Variants in MARCHF1 observed in about 807,000 individuals in gnomAD.
The protein encoded by MARCHF1 is membrane associated ring-CH-type finger 1.
Under a neutral mutation model 54.2 loss-of-function variants are expected in MARCHF1, and 40 were observed. The ratio of observed to expected loss-of-function variants is 0.74; its 90% CI spans 0.57 to 0.96. The LOEUF (loss-of-function observed/expected upper bound fraction) is 0.96. Among genes scored for constraint, MARCHF1 ranks in the 40% least tolerant of loss-of-function variants. MARCHF1 has a pLI of 0.00. For missense variants in MARCHF1, 586 were observed against 656.5 expected, an observed-to-expected ratio of 0.89 and a Z score of 1.17; for synonymous variants, 236 against 236.3, an observed-to-expected ratio of 1.00 and a Z score of 0.01.
At chr4:164,314,915 A>G (rs772812405) in intron 1 of MARCHF1, among the ~76,000 whole-genome samples, 45 of 152,200 alleles carry the variant, frequency 3.0e-4, no homozygotes, top group Non-Finnish European at 5.4e-4. Context: ...CAGAAAATGT[A>G]TATCATTTGA....
intron 1 of MARCHF1, among the ~76,000 whole-genome samples, chr4:164,297,400 G>T (rs1039894858): frequency 6.6e-6 from 1 of 152,084 alleles, no homozygotes; most frequent in African/African-American, 2.4e-5. Flanking sequence ...CTGATGTGAG[G>T]CTATGAGAAG....
intron 1 of MARCHF1, among the ~76,000 whole-genome samples, chr4:164,142,205 A>T (rs772802406): frequency 2.6e-5 from 4 of 152,204 alleles, no homozygotes; most frequent in Admixed American, 2.6e-4. Context: ...CTAGCACAGC[A>T]GTCTGAGATC....
chr4:164,130,498 A>C (rs1180025139), intron 1 of MARCHF1, among the ~76,000 whole-genome samples: 1 of 152,154 alleles, frequency 6.6e-6, no homozygotes, highest in Non-Finnish European at 1.5e-5. Flanking sequence ...TTAAAGCTGC[A>C]ATATCATTAT....
At chr4:163,843,661 CT>C (rs1332739800) in intron 4 of MARCHF1, among the ~76,000 whole-genome samples, 1 of 152,038 alleles carries the variant, frequency 6.6e-6, no homozygotes, top group Non-Finnish European at 1.5e-5. Flanking sequence ...GCCCAGCATG[CT>C]TTAGCTCCTT....
At chr4:164,136,735 C>T (rs752942490) in intron 1 of MARCHF1, among the ~76,000 whole-genome samples, 5 of 152,174 alleles carry the variant, frequency 3.3e-5, no homozygotes, top group Non-Finnish European at 7.3e-5. Context: ...CCCATGAACA[C>T]ACCTGGAATG....
chr4:164,284,459 CATATT>C (rs1321918376), intron 1 of MARCHF1, among the ~76,000 whole-genome samples: 1 of 150,766 alleles, frequency 6.6e-6, no homozygotes, highest in East Asian at 2.0e-4. Flanking sequence ...GCCTTTATAA[CATATT>C]ATGGCAATTA....
At chr4:164,279,408 C>T (rs1356467871) in intron 1 of MARCHF1, among the ~76,000 whole-genome samples, 4 of 151,112 alleles carry the variant, frequency 2.6e-5, no homozygotes, top group African/African-American at 7.3e-5. Context: ...AGGAAAGATG[C>T]ATAAATATAT....
intron 1 of MARCHF1, among the ~76,000 whole-genome samples, chr4:164,259,730 G>A (rs1733411224): frequency 6.6e-6 from 1 of 152,074 alleles, no homozygotes; most frequent in African/African-American, 2.4e-5. Context: ...AATTCTATGT[G>A]TCCCTTGAAA....
chr4:163,546,780 G>A (rs1336107746), intron 8 of MARCHF1, among the ~76,000 whole-genome samples: 3 of 152,188 alleles, frequency 2.0e-5, no homozygotes, highest in Non-Finnish European at 4.4e-5. Flanking sequence ...GTCTGGGAGA[G>A]GAAGAAGGCC....
At chr4:164,243,438 T>C (rs969960270) in intron 1 of MARCHF1, among the ~76,000 whole-genome samples, 3 of 151,946 alleles carry the variant, frequency 2.0e-5, no homozygotes, top group African/African-American at 7.3e-5. Context: ...TGAGAGATTT[T>C]GTCACCACCA....
chr4:164,184,482 C>G (rs139923786), intron 1 of MARCHF1, among the ~76,000 whole-genome samples: 1 of 152,230 alleles, frequency 6.6e-6, no homozygotes, highest in East Asian at 1.9e-4. Context: ...ATACACAAAA[C>G]ACAAAAGGAT....
At chr4:163,688,964 T>C (rs1006686052) in intron 5 of MARCHF1, among the ~76,000 whole-genome samples, 2 of 152,168 alleles carry the variant, frequency 1.3e-5, no homozygotes, top group Non-Finnish European at 2.9e-5. Context: ...GTTGTTTTAG[T>C]TTCTGCTTGG....
At position 163,937,848 on chromosome 4, in the gene MARCHF1, T is replaced by C. The variant is rs553590515; in HGVS notation, c.-39+50653A>G. 1.2e-4 allele frequency among the ~76,000 whole-genome samples: 19 copies of C among 152,258 alleles called. 1 individual carries two copies. Among genetic ancestry groups the C allele is most frequent in the African/African-American group, 4.6e-4 (19 of 41,552 alleles). ...ATTGAAACTAGCAGAGTTTAAATTA[T>C]AGGAAATAAAGCAAAAAATTTTTCA... On this transcript the variant is annotated intron_variant, in intron 3 of 9. Transcript: ENST00000514618.
intron 4 of MARCHF1, among the ~76,000 whole-genome samples, chr4:163,750,423 A>C (rs923085276): frequency 6.6e-6 from 1 of 151,566 alleles, no homozygotes; most frequent in African/African-American, 2.4e-5. Context: ...GGGCAGGAGA[A>C]TCGCTTGAAC....
At chr4:164,141,862 G>C (rs7436731) in intron 1 of MARCHF1, among the ~76,000 whole-genome samples, 1 of 152,050 alleles carries the variant, frequency 6.6e-6, no homozygotes, top group Non-Finnish European at 1.5e-5. Flanking sequence ...AGCTCCCAGC[G>C]TGAGCAACGC....
rs548233349 is a variant in MARCHF1 at position 164,098,216 on chromosome 4, A to T, written c.-248+13372T>A. On this transcript the variant is annotated intron_variant, in intron 2 of 9. Transcript: ENST00000514618. ...TAATCATAAGGCCATGACATTAGCTAATGTTTATTCTAGGTTTATTCTAAT... is the reference window on the plus strand; with the variant it reads ...TAATCATAAGGCCATGACATTAGCTTATGTTTATTCTAGGTTTATTCTAAT... 4.6e-5 allele frequency among the ~76,000 whole-genome samples: 7 copies of T among 152,250 alleles called. No homozygotes were observed. The East Asian group carries it at 1.4e-3, about 29-fold the overall frequency.
chr4:163,618,379 G>C (rs533562678), intron 5 of MARCHF1, among the ~76,000 whole-genome samples: 2 of 152,164 alleles, frequency 1.3e-5, no homozygotes, highest in East Asian at 1.9e-4. Flanking sequence ...TCTTGGACTA[G>C]AGTCAGTGGA....
intron 1 of MARCHF1, among the ~76,000 whole-genome samples, chr4:164,185,812 A>C (rs141416574): frequency 0.52 from 64,228 of 124,662 alleles, 14,261 homozygotes; most frequent in Non-Finnish European, 0.55. Context: ...ACACACACAA[A>C]AAAAAAAACA....
At chr4:164,186,131 G>T (rs905352398) in intron 1 of MARCHF1, among the ~76,000 whole-genome samples, 4 of 152,162 alleles carry the variant, frequency 2.6e-5, no homozygotes. Flanking sequence ...GACATCAGAT[G>T]ATCTGCCCGC....
Sources: gnomAD v4.1 joint callset for allele counts (sites outside exome capture counted in the v4.1 genomes callset) on GRCh38, gnomAD v4.1.1 for gene constraint, MANE v1.5 for transcripts, NCBI Gene and HGNC (gene_info 2026-07-23, HGNC 2026-07-21) for gene names.